The following RARB variants were observed in gnomAD, a reference collection of about 807,000 sequenced individuals.
The protein encoded by RARB is HBV-activated protein.
A neutral mutation model predicts 51.9 loss-of-function variants in RARB; 17 were observed. The ratio of observed to expected loss-of-function variants is 0.33; its 90% confidence interval spans 0.22 to 0.49. The LOEUF (loss-of-function observed/expected upper bound fraction) is 0.49. RARB is among the 20% of genes least tolerant of loss of function. The pLI, the probability that RARB is intolerant of heterozygous loss-of-function variation, is 0.99. For missense variants in RARB, 369 were observed against 550.8 expected, an observed-to-expected ratio of 0.67 and a Z score of 3.30; for synonymous variants, 215 against 195.4, an observed-to-expected ratio of 1.10 and a Z score of -0.84.
chr3:25,506,751 G>A (rs540562925), intron 3 of RARB, among the ~76,000 whole-genome samples: 1 of 152,370 alleles, frequency 6.6e-6, no homozygotes, highest in South Asian at 2.1e-4. Context: ...CAGATGAAGG[G>A]CTAGGTTTGG....
intron 2 of RARB, among the ~76,000 whole-genome samples, chr3:25,057,154 G>A (rs574749153): frequency 3.1e-4 from 47 of 152,180 alleles, no homozygotes; most frequent in African/African-American, 1.1e-3. Context: ...TATTTAAAGA[G>A]TATAAGTATT....
At chr3:25,204,563 C>T (rs1344875697) in intron 5 of RARB, among the ~76,000 whole-genome samples, 1 of 152,066 alleles carries the variant, frequency 6.6e-6, no homozygotes, top group Non-Finnish European at 1.5e-5. Context: ...GTTTTATCTA[C>T]CTTTGGTCTT....
chr3:25,238,237 G>T (rs965310095), intron 5 of RARB, among the ~76,000 whole-genome samples: 1 of 151,342 alleles, frequency 6.6e-6, no homozygotes, highest in African/African-American at 2.4e-5. Flanking sequence ...TCCTACATAT[G>T]AATGAAAACA....
At chr3:25,055,491 T>C (rs879839967) in intron 2 of RARB, among the ~76,000 whole-genome samples, 1 of 152,180 alleles carries the variant, frequency 6.6e-6, no homozygotes, top group Admixed American at 6.5e-5. Flanking sequence ...CAGCTTGAGT[T>C]ATAATACTTT....
chr3:25,256,713 G>A (rs1702873262), intron 5 of RARB, among the ~76,000 whole-genome samples: 1 of 152,008 alleles, frequency 6.6e-6, no homozygotes, highest in Admixed American at 6.6e-5. Flanking sequence ...AATCAGTGGA[G>A]CAGAAAAGAT....
At chr3:24,998,287 T>TC (rs1697085387) in intron 2 of RARB, among the ~76,000 whole-genome samples, 1 of 151,660 alleles carries the variant, frequency 6.6e-6, no homozygotes, top group South Asian at 2.1e-4. Context: ...GTTTTTTTTT[T>TC]TTTCTTTGGA....
chr3:25,022,095 T>C (rs925620905), intron 2 of RARB, among the ~76,000 whole-genome samples: 4 of 152,288 alleles, frequency 2.6e-5, no homozygotes, highest in African/African-American at 9.6e-5. Flanking sequence ...AACAAGTTTT[T>C]ATTACTGCCA....
At chr3:25,462,125 A>G (rs1338602765) in intron 2 of RARB, among the ~76,000 whole-genome samples, 2 of 152,188 alleles carry the variant, frequency 1.3e-5, no homozygotes, top group African/African-American at 4.8e-5. Flanking sequence ...TTCAGCCTGT[A>G]GGGACTTGCT....
chr3:25,351,807 C>T (rs1201924810), intron 5 of RARB, among the ~76,000 whole-genome samples: 2 of 152,174 alleles, frequency 1.3e-5, no homozygotes, highest in Non-Finnish European at 2.9e-5. Context: ...ACAGCAGCCT[C>T]AGCCCGGTCT....
At chr3:25,567,039 T>C (rs1700523031) in intron 3 of RARB, among the ~76,000 whole-genome samples, 1 of 152,210 alleles carries the variant, frequency 6.6e-6, no homozygotes. Flanking sequence ...TGTGTTTTAA[T>C]GTAGCTGTAG....
intron 2 of RARB, among the ~76,000 whole-genome samples, chr3:24,871,332 A>G (rs1013927981): frequency 6.6e-6 from 1 of 152,162 alleles, no homozygotes; most frequent in Non-Finnish European, 1.5e-5. Context: ...TTGATGGTCA[A>G]TCAAATGGTC....
At chr3:25,581,599 T>C (rs77046429) in intron 5 of RARB, among the ~76,000 whole-genome samples, 9,794 of 152,264 alleles carry the variant, frequency 0.064, 398 homozygotes, top group Non-Finnish European at 0.095. Flanking sequence ...AGACGTGCTA[T>C]GACTGAATAT....
chr3:25,497,386 A>C (rs1229503123), intron 2 of RARB, among the ~76,000 whole-genome samples: 1 of 152,186 alleles, frequency 6.6e-6, no homozygotes, highest in East Asian at 1.9e-4. Flanking sequence ...GCCCATGCAG[A>C]TAGACAGTCT....
intron 2 of RARB, among the ~76,000 whole-genome samples, chr3:24,998,011 A>G (rs916982687): frequency 3.9e-5 from 6 of 152,286 alleles, no homozygotes; most frequent in South Asian, 2.1e-4. Flanking sequence ...ACCTCGCAGT[A>G]TACTTTGTCC....
intron 2 of RARB, among the ~76,000 whole-genome samples, chr3:25,491,714 G>A (rs550012537): frequency 4.5e-4 from 68 of 152,304 alleles, no homozygotes; most frequent in African/African-American, 1.6e-3. Context: ...ACCGAGGCAG[G>A]CAAATCGTTC....
intron 3 of RARB, among the ~76,000 whole-genome samples, chr3:25,556,421 C>G (rs2125673697): frequency 6.6e-6 from 1 of 152,220 alleles, no homozygotes; most frequent in Non-Finnish European, 1.5e-5. Flanking sequence ...AGAGTGACCC[C>G]TCAATGGCAT....
At chr3:24,903,336 A>G (rs1305333598) in intron 2 of RARB, among the ~76,000 whole-genome samples, 1 of 152,186 alleles carries the variant, frequency 6.6e-6, no homozygotes. Flanking sequence ...AGTATAAGAA[A>G]AAGTAATAAT....
At chr3:25,343,022 CTTTGTGTGTG>C (rs1268904813) in intron 5 of RARB, among the ~76,000 whole-genome samples, 4 of 89,390 alleles carry the variant, frequency 4.5e-5, no homozygotes, top group African/African-American at 1.9e-4. Context: ...TTTGCAAGTA[CTTTGTGTGTG>C]TGTGTGTGTG....
At chr3:25,345,971 G>T (rs963278674) in intron 5 of RARB, 32 of 771,584 alleles carry the variant, frequency 4.1e-5, no homozygotes, top group Admixed American at 1.3e-4. Context: ...AAAGTCTGCA[G>T]TTTGGGGCTG....
Sources: allele counts gnomAD v4.1 joint callset (sites outside exome capture counted in the v4.1 genomes callset), GRCh38; gene constraint gnomAD v4.1.1; transcripts MANE v1.5; gene names NCBI Gene and HGNC (gene_info 2026-07-23, HGNC 2026-07-21).